CR1: variants seen among roughly 807,000 people sequenced by gnomAD.
CR1 encodes the protein complement receptor type 1.
CR1 carries 116 observed loss-of-function variants against 187.3 expected under a neutral mutation model. The ratio of observed to expected loss-of-function variants is 0.62; its 90% CI spans 0.53 to 0.72. The LOEUF is 0.72. Among genes scored for constraint, CR1 ranks in the 30% least tolerant of loss-of-function variants. CR1 has a pLI of 0.00. For synonymous variants in CR1, 576 were observed against 747.1 expected (o/e 0.77, Z 3.73); for missense variants, 1,731 against 2,110.7 (o/e 0.82, Z 3.52).
chr1:207,501,265 T>A (rs929382477), intron 1 of CR1, among the ~76,000 whole-genome samples: 3 of 152,246 alleles, frequency 2.0e-5, no homozygotes, highest in Admixed American at 2.0e-4. Context: ...CAGAAGGGCA[T>A]GAGGGAACTC....
In CR1 at chr1:207,580,139, T is replaced by C. The variant is rs1317300222; in HGVS notation, c.4937-101T>C. 4.0e-6 allele frequency: 6 copies of C among 1,506,836 alleles called. No individual in the cohort carries two copies. The East Asian group carries it at 6.8e-5, about 17-fold the overall frequency. The allele number at this position is 1,506,836 out of a possible 1,614,324, so 93.3% of individuals were successfully genotyped here. A position where few individuals can be genotyped will look rare whatever the true frequency, so the allele number is the denominator to read the frequency against. The stretch of plus-strand genomic sequence containing the variant: ...ATTTGGGGCCTTGTGCTAGGGAGAA[T>C]TGGGTTCTATTTCTCTACCTCTGAC... On this transcript the variant is annotated intron_variant, in intron 29 of 46. Transcript: ENST00000367049.
At chr1:207,630,658 C>A in intron 46 of CR1, 37 bp downstream of exon 46, 1 of 1,389,176 alleles carries the variant, frequency 7.2e-7, no homozygotes, top group Non-Finnish European at 9.8e-7. Flanking sequence ...ATGTTTTCAA[C>A]AACTCAAATA....
intron 3 of CR1, among the ~76,000 whole-genome samples, chr1:207,508,351 G>T (rs1659509708): frequency 6.6e-6 from 1 of 152,218 alleles, no homozygotes; most frequent in South Asian, 2.1e-4. Context: ...GTACCACCCT[G>T]GTGAAAGATG....
chr1:207,630,671 A>C, intron 46 of CR1, 50 bp downstream of exon 46: 26 of 1,307,560 alleles, frequency 2.0e-5, no homozygotes, highest in East Asian at 2.6e-5. Context: ...CTCAAATATC[A>C]AAAATGGAAA....
intron 28 of CR1, among the ~76,000 whole-genome samples, chr1:207,576,691 G>A (rs1318570071): frequency 1.3e-5 from 2 of 152,076 alleles, no homozygotes; most frequent in Non-Finnish European, 2.9e-5. Context: ...GGTGGCACAT[G>A]CCTGTAGTCC....
intron 35 of CR1, among the ~76,000 whole-genome samples, chr1:207,592,010 A>G (rs1390463154): frequency 6.6e-6 from 1 of 152,250 alleles, no homozygotes; most frequent in Non-Finnish European, 1.5e-5. Context: ...GAATCCTACC[A>G]GAGGTACAAA....
At chr1:207,509,376 G>A (rs907030979) in intron 3 of CR1, among the ~76,000 whole-genome samples, 2 of 152,176 alleles carry the variant, frequency 1.3e-5, no homozygotes. Context: ...GCTTCAATCT[G>A]TTCAAGTGGA....
At chr1:207,590,323 A>G (rs1337575215) in intron 35 of CR1, among the ~76,000 whole-genome samples, 1 of 152,254 alleles carries the variant, frequency 6.6e-6, no homozygotes, top group Non-Finnish European at 1.5e-5. Flanking sequence ...CTTAAAGAAA[A>G]GAATTTTCAA....
intron 3 of CR1, among the ~76,000 whole-genome samples, chr1:207,510,724 C>CCCTTCCTTCCTTCCTT (rs1044541628): frequency 1.1e-5 from 1 of 89,926 alleles, no homozygotes; most frequent in African/African-American, 4.2e-5. Flanking sequence ...GTTATGTATC[C>CCCTTCCTTCCTTCCTT]CCTTCCTTCC....
intron 4 of CR1, among the ~76,000 whole-genome samples, chr1:207,519,857 C>T (rs1346694099): frequency 2.0e-5 from 3 of 152,146 alleles, no homozygotes; most frequent in Non-Finnish European, 2.9e-5. Context: ...TATTTGAAAA[C>T]AGTTCAAACA....
At chr1:207,498,755 G>A (rs1445971089) in intron 1 of CR1, among the ~76,000 whole-genome samples, 2 of 151,554 alleles carry the variant, frequency 1.3e-5, no homozygotes, top group Non-Finnish European at 2.9e-5. Context: ...GTGGGTGCCT[G>A]TAGTCCCAGC....
At chr1:207,633,967 G>A (rs558351479) in intron 46 of CR1, among the ~76,000 whole-genome samples, 1 of 152,272 alleles carries the variant, frequency 6.6e-6, no homozygotes, top group East Asian at 1.9e-4. Flanking sequence ...GGTGCTCAGT[G>A]GGGGAGCTTT....
At chr1:207,586,597 G>T (rs1160566216) in intron 33 of CR1, among the ~76,000 whole-genome samples, 1 of 152,188 alleles carries the variant, frequency 6.6e-6, no homozygotes, top group Admixed American at 6.5e-5. Flanking sequence ...TGTTGGCAGA[G>T]GTATTTTCCC....
At chr1:207,616,967 C>T (rs1445637037) in intron 41 of CR1, among the ~76,000 whole-genome samples, 165 bp downstream of exon 41, 2 of 152,036 alleles carry the variant, frequency 1.3e-5, no homozygotes, top group African/African-American at 2.4e-5. Context: ...TAGATAGGCA[C>T]GCTGTCTCAA....
At chr1:207,622,054 C>T (rs1248331251) in intron 44 of CR1, 58 bp downstream of exon 44, 2 of 1,346,678 alleles carry the variant, frequency 1.5e-6, no homozygotes, top group East Asian at 2.4e-5. Flanking sequence ...TAAGTACCTA[C>T]CTATAATGAA....
intron 1 of CR1, among the ~76,000 whole-genome samples, chr1:207,500,157 TG>T (rs767737436): frequency 6.6e-5 from 10 of 152,250 alleles, no homozygotes; most frequent in Non-Finnish European, 1.0e-4. Context: ...TCAATGTGAC[TG>T]TTTTTTGTCC....
In CR1 at chr1:207,568,118, G is replaced by C. The variant is rs931554590; in HGVS notation, c.4171+76G>C. On this transcript the variant is annotated intron_variant, in intron 25 of 46. Coordinates refer to ENST00000367049, the MANE Select transcript of CR1 (RefSeq NM_000651.6). ...GCCCCTCCATATTTCCATAATTACAGTGTAGTATTTATTTGTATGTATGCA... is the reference window on the plus strand; with the variant it reads ...GCCCCTCCATATTTCCATAATTACACTGTAGTATTTATTTGTATGTATGCA... 3.2e-5 allele frequency: 52 copies of C among 1,609,232 alleles called. 1 individual carries two copies. In the South Asian group the frequency reaches 5.7e-4, roughly 18 times the overall value.
At chr1:207,520,837 T>C (rs1437883595) in intron 4 of CR1, among the ~76,000 whole-genome samples, 1 of 152,178 alleles carries the variant, frequency 6.6e-6, no homozygotes, top group Non-Finnish European at 1.5e-5. Flanking sequence ...CTGAAGGTTA[T>C]TGTCCATGTT....
chr1:207,523,572 T>TAAACTGAC, intron 4 of CR1, 39 bp from the exon 5 acceptor site: 5 of 1,612,132 alleles, frequency 3.1e-6, no homozygotes, highest in Non-Finnish European at 4.2e-6. Flanking sequence ...ATTCATTATT[T>TAAACTGAC]AAACTGACTG....
Sources: allele counts gnomAD v4.1 joint callset (sites outside exome capture counted in the v4.1 genomes callset), GRCh38; gene constraint gnomAD v4.1.1; transcripts MANE v1.5; gene names NCBI Gene and HGNC (gene_info 2026-07-23, HGNC 2026-07-21).